WDR27: variants seen among roughly 807,000 people sequenced by gnomAD.
The protein encoded by WDR27 is WD repeat-containing protein 27.
A neutral mutation model predicts 114.4 loss-of-function variants in WDR27; 100 were observed. The observed-to-expected ratio is 0.87, with a 90% CI of 0.74 to 1.03. The LOEUF (loss-of-function observed/expected upper bound fraction) is 1.03. Ranked by LOEUF, WDR27 falls within the 50% of genes least tolerant of loss-of-function variation. The probability of loss-of-function intolerance (pLI) is 0.00; values close to 1 mark genes in which losing one functional copy is unlikely to be tolerated. For synonymous variants in WDR27, 449 were observed against 423.1 expected, an observed-to-expected ratio of 1.06 and a Z score of -0.75; for missense variants, 1,129 against 1,092.9, an observed-to-expected ratio of 1.03 and a Z score of -0.47.
At chr6:169,685,251 C>T (rs1165508352) in intron 2 of WDR27, among the ~76,000 whole-genome samples, 1 of 148,920 alleles carries the variant, frequency 6.7e-6, no homozygotes, top group Non-Finnish European at 1.5e-5. Context: ...CAGGACATAT[C>T]AACCATGAAA....
intron 8 of WDR27, among the ~76,000 whole-genome samples, chr6:169,662,983 G>A (rs1037033575): frequency 5.4e-5 from 8 of 148,294 alleles, no homozygotes; most frequent in East Asian, 2.1e-4. Context: ...AGCATGACGC[G>A]TGTGCACCAC....
At chr6:169,687,410 G>GA (rs999625758) in intron 2 of WDR27, among the ~76,000 whole-genome samples, 1 of 151,728 alleles carries the variant, frequency 6.6e-6, no homozygotes, top group East Asian at 1.9e-4. Context: ...TAATCCAATA[G>GA]AAAAAAATGG....
At chr6:169,528,369 T>G (rs1454113011) in intron 25 of WDR27, among the ~76,000 whole-genome samples, 2 of 152,176 alleles carry the variant, frequency 1.3e-5, no homozygotes, top group African/African-American at 4.8e-5. Context: ...GTCTAACAAC[T>G]GAAACCCTTT....
chr6:169,502,346 CGTACACG>C (rs1791397517), intron 25 of WDR27, among the ~76,000 whole-genome samples: 1 of 152,208 alleles, frequency 6.6e-6, no homozygotes, highest in Admixed American at 6.5e-5. Context: ...TGTGGCGTTC[CGTACACG>C]GACGGTCCCT....
the WDR27 span, among the ~76,000 whole-genome samples, chr6:169,451,786 C>T: frequency 6.6e-6 from 1 of 152,150 alleles, no homozygotes; most frequent in Admixed American, 6.6e-5. Context: ...AGGAATAATA[C>T]TGAGAAATTT....
chr6:169,570,220 G>A (rs964515770), intron 25 of WDR27, among the ~76,000 whole-genome samples: 1 of 152,178 alleles, frequency 6.6e-6, no homozygotes, highest in African/African-American at 2.4e-5. Flanking sequence ...TTGGGGGGTG[G>A]TTTAGTCAAC....
At chr6:169,513,368 C>G (rs1172769404) in intron 25 of WDR27, among the ~76,000 whole-genome samples, 1 of 152,118 alleles carries the variant, frequency 6.6e-6, no homozygotes, top group Non-Finnish European at 1.5e-5. Flanking sequence ...TCAGAGTGGT[C>G]CCGGGACGCC....
chr6:169,653,969 C>T (rs1823308197), intron 13 of WDR27, among the ~76,000 whole-genome samples: 1 of 152,210 alleles, frequency 6.6e-6, no homozygotes, highest in Non-Finnish European at 1.5e-5. Context: ...CTTAAAAGGC[C>T]GGAAGCTGTG....
At chr6:169,677,873 G>A (rs1780468943) in intron 2 of WDR27, among the ~76,000 whole-genome samples, 2 of 152,242 alleles carry the variant, frequency 1.3e-5, no homozygotes, top group Non-Finnish European at 2.9e-5. Flanking sequence ...ACAGGCCTTG[G>A]TGGTTTCCAT....
chr6:169,678,043 T>C (rs997373705), intron 2 of WDR27, among the ~76,000 whole-genome samples: 2 of 152,194 alleles, frequency 1.3e-5, no homozygotes, highest in East Asian at 1.9e-4. Context: ...GCAGTGCCAA[T>C]GCCAAGGGGA....
intron 16 of WDR27, 41 bp downstream of exon 16, chr6:169,647,732 T>C (rs1300203252): frequency 6.9e-7 from 1 of 1,454,428 alleles, no homozygotes; most frequent in South Asian, 1.2e-5. Flanking sequence ...CAAAGACTCT[T>C]ACAATGAAAT....
chr6:169,469,574 A>G (rs1384991350), intron 25 of WDR27, among the ~76,000 whole-genome samples: 1 of 152,192 alleles, frequency 6.6e-6, no homozygotes, highest in African/African-American at 2.4e-5. Context: ...TACCCTGTGA[A>G]ACCAAATGGG....
chr6:169,641,593 G>A lies in WDR27; in HGVS notation c.1747+2104C>T, dbSNP rs188959938. Among the ~76,000 whole-genome samples the A allele has an allele frequency of 2.0e-3, 305 of 152,316 alleles. 2 individuals carry two copies. Among genetic ancestry groups the A allele is most frequent in the African/African-American group, 6.8e-3 (281 of 41,588 alleles). ...GCTGGGGAAGCAGTCAAGGGTGTGG[G>A]GACATAAGCAGCATGGAGGCCGGCG... On this transcript the variant is annotated intron_variant, in intron 17 of 25. Transcript: ENST00000448612.
At chr6:169,616,002 G>A (rs567588029) in intron 21 of WDR27, among the ~76,000 whole-genome samples, 6 of 147,926 alleles carry the variant, frequency 4.1e-5, no homozygotes, top group Non-Finnish European at 7.4e-5. Context: ...AACAGCACAC[G>A]CGAACTCTGA....
chr6:169,667,022 C>T, intron 6 of WDR27, 114 bp downstream of exon 6: 5 of 1,310,090 alleles, frequency 3.8e-6, no homozygotes, highest in Non-Finnish European at 4.9e-6. Flanking sequence ...TCTGAGATTG[C>T]CTCATTCAGA....
chr6:169,492,770 CA>C (rs993295639), intron 25 of WDR27, among the ~76,000 whole-genome samples: 1 of 151,860 alleles, frequency 6.6e-6, no homozygotes. Context: ...GTGCTAGTAA[CA>C]AAACTCTAAT....
chr6:169,502,765 G>C (rs534750182), intron 25 of WDR27, among the ~76,000 whole-genome samples: 1 of 152,212 alleles, frequency 6.6e-6, no homozygotes, highest in East Asian at 1.9e-4. Context: ...CGCAGCCTCA[G>C]TGCCATCTTC....
At chr6:169,539,137 T>G (rs1796538472) in intron 25 of WDR27, among the ~76,000 whole-genome samples, 1 of 152,202 alleles carries the variant, frequency 6.6e-6, no homozygotes, top group African/African-American at 2.4e-5. Flanking sequence ...CATTTTGTAC[T>G]AACAGTGTAC....
At chr6:169,607,696 T>C (rs1809536606) in intron 22 of WDR27, among the ~76,000 whole-genome samples, 1 of 152,238 alleles carries the variant, frequency 6.6e-6, no homozygotes, top group Non-Finnish European at 1.5e-5. Context: ...ATTTGAGTGA[T>C]GGATACCTTA....
Sources: allele counts gnomAD v4.1 joint callset (sites outside exome capture counted in the v4.1 genomes callset), GRCh38; gene constraint gnomAD v4.1.1; transcripts MANE v1.5; gene names NCBI Gene and HGNC (gene_info 2026-07-23, HGNC 2026-07-21).